The following BTD variants were observed in gnomAD, a reference collection of about 807,000 sequenced individuals.
The protein encoded by BTD is biotinidase, also known as biocytinase.
A neutral mutation model predicts 17.7 loss-of-function variants in BTD; 13 were observed. The ratio of observed to expected loss-of-function variants is 0.74; its 90% CI spans 0.48 to 1.17. The LOEUF is 1.17. Among genes scored for constraint, BTD ranks in the 50% most tolerant of loss-of-function variants. BTD has a pLI of 0.00. For missense variants in BTD, 674 were observed against 650.4 expected, an observed-to-expected ratio of 1.04 and a Z score of -0.39; for synonymous variants, 240 against 245.2, an observed-to-expected ratio of 0.98 and a Z score of 0.20.
At chr3:15,671,473 C>G (rs1259300548) in intron 3 of BTD, among the ~76,000 whole-genome samples, 1 of 152,208 alleles carries the variant, frequency 6.6e-6, no homozygotes, top group African/African-American at 2.4e-5. Flanking sequence ...CTCCATATAT[C>G]CTCTACCCAG....
chr3:15,691,709 G>A (rs1409714838), intron 3 of BTD, among the ~76,000 whole-genome samples: 2 of 152,140 alleles, frequency 1.3e-5, no homozygotes, highest in African/African-American at 4.8e-5. Context: ...AGTGACTGTA[G>A]GTCACGGAAT....
chr3:15,680,558 A>G (rs1416188238), intron 3 of BTD, among the ~76,000 whole-genome samples: 1 of 152,186 alleles, frequency 6.6e-6, no homozygotes, highest in Non-Finnish European at 1.5e-5. Context: ...AAAGTATATC[A>G]TAAATTATTT....
rs1333877612 is a variant in BTD, at chr3:15,642,198, T to C, written c.399+141T>C. On this transcript the variant is annotated intron_variant, in intron 3 of 3. Transcript: ENST00000643237. ...TCCAACCCAAACTCCCAAAGATCCA[T>C]GTGCCACATGTTCATTCCATTAAAG... 5.3e-6 allele frequency: 8 copies of C among 1,513,980 alleles called. No individual in the cohort carries two copies. The Admixed American group carries it at 6.1e-5, about 12-fold the overall frequency. The allele number at this position is 1,513,980 out of a possible 1,614,324, so 93.8% of individuals were successfully genotyped here.
At chr3:15,634,329 C>T (rs983543510) in intron 1 of BTD, among the ~76,000 whole-genome samples, 8 of 152,112 alleles carry the variant, frequency 5.3e-5, no homozygotes, top group Non-Finnish European at 1.2e-4. Flanking sequence ...ACTTTTAATC[C>T]GGATTCCTGG....
chr3:15,642,352 C>A, intron 3 of BTD: 2 of 1,028,232 alleles, frequency 1.9e-6, no homozygotes, highest in Non-Finnish European at 2.7e-6. Flanking sequence ...TCACCACAGC[C>A]TGCACCTCAT....
chr3:15,715,766 G>A (rs74548191), downstream of BTD, among the ~76,000 whole-genome samples: 2,571 of 152,086 alleles, frequency 0.017, 73 homozygotes, highest in African/African-American at 0.058. Flanking sequence ...CTGTTGTACA[G>A]AGTAAATACA....
At chr3:15,720,106 C>T (rs746134309) in intron 4 of BTD, among the ~76,000 whole-genome samples, 14 of 152,208 alleles carry the variant, frequency 9.2e-5, no homozygotes, top group African/African-American at 3.4e-4. Flanking sequence ...TCAAGTGATC[C>T]TCCTACCCTG....
intron 1 of BTD, among the ~76,000 whole-genome samples, chr3:15,613,517 CT>C (rs1386647027): frequency 1.3e-5 from 2 of 152,070 alleles, no homozygotes; most frequent in East Asian, 3.8e-4. Flanking sequence ...CTTCTTCCCT[CT>C]TCCCCCTCCT....
chr3:15,635,388 A>G lies in BTD; in HGVS notation c.-16-36A>G. ...CGTTAAATTCTTGGCAGGATTCTTT[A>G]TTCAGCTGTTTTCCCCTTGCCCCAT... is the stretch of plus-strand genomic sequence containing the variant. On this transcript the variant is annotated intron_variant, in intron 1 of 3. Transcript: ENST00000643237. This position sits in a 1 kb window ranked among gnomAD's most constrained non-coding sequence, Gnocchi z 4.1. 1 of 1,614,070 alleles carries G rather than the reference A, an allele frequency of 6.2e-7. No homozygotes were observed. Among genetic ancestry groups the G allele is most frequent in the Non-Finnish European group, 8.5e-7 (1 of 1,179,988 alleles).
chr3:15,627,751 C>T (rs891022267), intron 1 of BTD, among the ~76,000 whole-genome samples: 11 of 152,114 alleles, frequency 7.2e-5, no homozygotes, highest in African/African-American at 2.4e-4. Flanking sequence ...GATGGAGTTT[C>T]GCTCTTATTG....
At chr3:15,628,965 A>G (rs377516859) in intron 1 of BTD, among the ~76,000 whole-genome samples, 39 of 152,304 alleles carry the variant, frequency 2.6e-4, no homozygotes, top group South Asian at 1.5e-3. Flanking sequence ...TGGTTCTTCA[A>G]TGGTATTCCT....
downstream of BTD, among the ~76,000 whole-genome samples, chr3:15,656,452 A>G (rs1327254126): frequency 6.6e-6 from 1 of 152,212 alleles, no homozygotes; most frequent in Non-Finnish European, 1.5e-5. Context: ...CGGGAGGGAC[A>G]CAGAGGTAGG....
intron 1 of BTD, among the ~76,000 whole-genome samples, chr3:15,620,560 A>C (rs924712950): frequency 6.6e-6 from 1 of 151,974 alleles, no homozygotes; most frequent in Non-Finnish European, 1.5e-5. Flanking sequence ...ATATTTTTCA[A>C]CTACACATGT....
chr3:15,620,955 A>G (rs184408693), intron 1 of BTD, among the ~76,000 whole-genome samples: 5 of 152,402 alleles, frequency 3.3e-5, no homozygotes, highest in Non-Finnish European at 7.3e-5. Context: ...ACTCAGTCCA[A>G]GGCCGAAGGC....
At chr3:15,623,790 C>T (rs558934059) in intron 1 of BTD, among the ~76,000 whole-genome samples, 1 of 152,264 alleles carries the variant, frequency 6.6e-6, no homozygotes, top group East Asian at 1.9e-4. Context: ...TAGCTCTCTC[C>T]ATCTTCTGCC....
chr3:15,654,665 G>A (rs9850955), downstream of BTD, among the ~76,000 whole-genome samples: 12,085 of 151,766 alleles, frequency 0.08, 1,418 homozygotes, highest in African/African-American at 0.26. Context: ...TCTGCCTCCC[G>A]GGTTCAAGCG....
intron 3 of BTD, chr3:15,707,876 C>T (rs376368736): frequency 3.2e-5 from 51 of 1,570,100 alleles, no homozygotes; most frequent in Middle Eastern, 1.7e-4. Flanking sequence ...TGGAAGATGC[C>T]AGTTTATAGA....
chr3:15,628,662 C>A (rs2065125995), intron 1 of BTD, among the ~76,000 whole-genome samples: 1 of 152,180 alleles, frequency 6.6e-6, no homozygotes, highest in East Asian at 1.9e-4. Context: ...GAAGTGCCCC[C>A]ACCATTCATG....
chr3:15,642,317 A>C, intron 3 of BTD: 1 of 1,357,420 alleles, frequency 7.4e-7, no homozygotes. Flanking sequence ...AACCAAACCA[A>C]AAGTAAAAAA....
Sources: gnomAD v4.1 joint callset for allele counts (sites outside exome capture counted in the v4.1 genomes callset) on GRCh38, gnomAD v4.1.1 for gene constraint, Gnocchi (gnomAD v3.1) non-coding constraint, MANE v1.5 for transcripts, NCBI Gene and HGNC (gene_info 2026-07-23, HGNC 2026-07-21) for gene names.